DSE: variants seen among roughly 807,000 people sequenced by gnomAD.
The protein encoded by DSE is dermatan-sulfate epimerase.
A neutral mutation model predicts 84.4 loss-of-function variants in DSE; 36 were observed. The ratio of observed to expected loss-of-function variants is 0.43; its 90% CI spans 0.33 to 0.56. DSE has a LOEUF of 0.56. Ranked by LOEUF, DSE falls within the 20% of genes least tolerant of loss-of-function variation. The pLI is 0.06. For synonymous variants in DSE, 410 were observed against 430.1 expected, an observed-to-expected ratio of 0.95 and a Z score of 0.58; for missense variants, 862 against 1,169.6, an observed-to-expected ratio of 0.74 and a Z score of 3.84.
chr6:116,342,123 T>A (rs1161014033), intron 2 of DSE, among the ~76,000 whole-genome samples: 1 of 152,202 alleles, frequency 6.6e-6, no homozygotes, highest in Non-Finnish European at 1.5e-5. Flanking sequence ...CAGAGACTAT[T>A]TTTGTTCAAT....
chr6:116,416,057 T>C (rs1231122091), intron 2 of DSE, among the ~76,000 whole-genome samples: 7 of 152,190 alleles, frequency 4.6e-5, no homozygotes, highest in Admixed American at 1.3e-4. Context: ...AGTTCACATA[T>C]ATTCCTTTGC....
chr6:116,429,669 C>CAA (rs1783684262), intron 3 of DSE, among the ~76,000 whole-genome samples: 1,338 of 20,142 alleles, frequency 0.066, 227 homozygotes, highest in African/African-American at 0.1. Context: ...GAGGAGTTGG[C>CAA]CGGGCGCGGT....
rs17256693 is a variant in DSE, at chr6:116,435,302, C to G, written c.1119-285C>G. Among the ~76,000 whole-genome samples the G allele has an allele frequency of 0.011, 1,675 of 152,290 alleles. 31 individuals carry two copies. The highest frequency in any genetic ancestry group is 0.038 in the African/African-American group (1,596 of 41,540). ...AGGCCCAGTAGTTTGAATGGTCACT[C>G]TGACATCATCAAGTGAAGATAGTCC... is the stretch of plus-strand genomic sequence containing the variant. On this transcript the variant is annotated intron_variant, in intron 5 of 5. Coordinates refer to ENST00000644252, the MANE Select transcript of DSE (RefSeq NM_013352.4).
At chr6:116,394,977 T>G (rs1314606961) in intron 1 of DSE, among the ~76,000 whole-genome samples, 2 of 152,242 alleles carry the variant, frequency 1.3e-5, no homozygotes, top group Non-Finnish European at 2.9e-5. Context: ...TTAAAGGGCC[T>G]GGGAGTGCTC....
chr6:116,340,264 G>A (rs1219583286), intron 2 of DSE, among the ~76,000 whole-genome samples: 4 of 152,014 alleles, frequency 2.6e-5, no homozygotes, highest in Non-Finnish European at 5.9e-5. Flanking sequence ...CTCATTATAT[G>A]TATATTGGTA....
rs182705769 is a variant in DSE at position 116,319,677 on chromosome 6, T to C, written c.-54+60710T>C. ...AAAATCCTACACTGTAGTGCCTTAT[T>C]ATGGCCTTTGGGGTAAATATGTATC... On this transcript the variant is annotated intron_variant, in intron 2 of 3. Coordinates refer to the DSE transcript ENST00000430252. 2.0e-5 allele frequency among the ~76,000 whole-genome samples: 3 copies of C among 152,338 alleles called. No homozygotes were observed. The East Asian group carries it at 5.8e-4, about 29-fold the overall frequency.
intron 1 of DSE, among the ~76,000 whole-genome samples, chr6:116,376,041 C>T (rs1022332249): frequency 2.6e-5 from 4 of 152,200 alleles, no homozygotes; most frequent in African/African-American, 9.7e-5. Context: ...TTATTAAAGA[C>T]TCTAACATTT....
chr6:116,434,173 C>A (rs923274840), intron 5 of DSE, among the ~76,000 whole-genome samples: 2 of 151,954 alleles, frequency 1.3e-5, no homozygotes, highest in African/African-American at 2.4e-5. Flanking sequence ...TCTTTTAAGC[C>A]CAGAAAGAGA....
chr6:116,293,307 C>G (rs1449398394), intron 2 of DSE, among the ~76,000 whole-genome samples: 1 of 148,856 alleles, frequency 6.7e-6, no homozygotes, highest in Admixed American at 6.7e-5. Context: ...GAGTCTTGCT[C>G]TGTCACCAGA....
At chr6:116,361,404 A>T (rs1006804983) in intron 2 of DSE, among the ~76,000 whole-genome samples, 3 of 152,340 alleles carry the variant, frequency 2.0e-5, no homozygotes, top group East Asian at 3.9e-4. Context: ...TTCTTAGTTT[A>T]TATGGCTTAA....
chr6:116,273,836 T>TG (rs1772992173), intron 2 of DSE, among the ~76,000 whole-genome samples: 1 of 78,178 alleles, frequency 1.3e-5, no homozygotes, highest in Non-Finnish European at 2.9e-5. Context: ...GTTTTTTTGT[T>TG]TTTTTTTTTT....
At chr6:116,382,289 A>G (rs921444942) in intron 1 of DSE, among the ~76,000 whole-genome samples, 2 of 152,214 alleles carry the variant, frequency 1.3e-5, no homozygotes, top group African/African-American at 4.8e-5. Context: ...CGAGCCTACC[A>G]TAACATGGCC....
At chr6:116,354,531 C>T (rs1421015065) in intron 2 of DSE, among the ~76,000 whole-genome samples, 1 of 152,132 alleles carries the variant, frequency 6.6e-6, no homozygotes, top group Non-Finnish European at 1.5e-5. Flanking sequence ...TCAGTTACAA[C>T]TCTGTCAAAA....
intron 2 of DSE, among the ~76,000 whole-genome samples, chr6:116,266,788 A>T (rs530073710): frequency 6.6e-6 from 1 of 152,314 alleles, no homozygotes; most frequent in African/African-American, 2.4e-5. Flanking sequence ...CTTATTTTAC[A>T]ATCAATACTT....
intron 2 of DSE, among the ~76,000 whole-genome samples, chr6:116,295,683 C>T (rs535850509): frequency 4.9e-4 from 75 of 152,250 alleles, no homozygotes; most frequent in African/African-American, 1.8e-3. Flanking sequence ...TTCAAGGCAT[C>T]ACTAAACCCT....
At chr6:116,365,368 C>T (rs1281533942), upstream of DSE, among the ~76,000 whole-genome samples, 2 of 152,186 alleles carry the variant, frequency 1.3e-5, no homozygotes, top group Non-Finnish European at 2.9e-5. Flanking sequence ...ATTCTCCTGC[C>T]TCAGCCTCCC....
upstream of DSE, among the ~76,000 whole-genome samples, chr6:116,369,479 T>C (rs1779377686): frequency 6.6e-6 from 1 of 152,254 alleles, no homozygotes; most frequent in Non-Finnish European, 1.5e-5. Flanking sequence ...ATTTTTATTA[T>C]ATCCTCTCCA....
intron 2 of DSE, among the ~76,000 whole-genome samples, chr6:116,296,998 G>A (rs1328246421): frequency 6.6e-6 from 1 of 152,156 alleles, no homozygotes; most frequent in Admixed American, 6.6e-5. Context: ...TTGCTGCAGT[G>A]GTCCAGGGAA....
upstream of DSE, among the ~76,000 whole-genome samples, chr6:116,365,670 C>T (rs912144393): frequency 6.6e-6 from 1 of 152,198 alleles, no homozygotes; most frequent in Non-Finnish European, 1.5e-5. Flanking sequence ...CCTTTAAAAG[C>T]ATATGGGGTA....
Sources: gnomAD v4.1 joint callset for allele counts (sites outside exome capture counted in the v4.1 genomes callset) on GRCh38, gnomAD v4.1.1 for gene constraint, MANE v1.5 for transcripts, NCBI Gene and HGNC (gene_info 2026-07-23, HGNC 2026-07-21) for gene names.